The following SMYD3 variants were observed in gnomAD, a reference collection of about 807,000 sequenced individuals.
SMYD3 encodes the protein SET and MYND domain containing 3, also known as histone-lysine N-methyltransferase SMYD3.
A neutral mutation model predicts 57.7 loss-of-function variants in SMYD3; 36 were observed. The ratio of observed to expected loss-of-function variants is 0.62; its 90% confidence interval spans 0.48 to 0.82. The LOEUF (loss-of-function observed/expected upper bound fraction) is 0.82, where lower values mean the gene tolerates loss of function less well. SMYD3 is among the 40% of genes least tolerant of loss of function. The pLI is 0.00. For missense variants in SMYD3, 515 were observed against 538.8 expected (o/e 0.96, Z 0.44); for synonymous variants, 211 against 195.0 (o/e 1.08, Z -0.68).
At chr1:245,808,879 C>T (rs550347068) in intron 10 of SMYD3, among the ~76,000 whole-genome samples, 8 of 152,234 alleles carry the variant, frequency 5.3e-5, no homozygotes, top group Admixed American at 5.2e-4. Context: ...TCTCGTGCCT[C>T]AGCCTCCCGA....
intron 1 of SMYD3, among the ~76,000 whole-genome samples, chr1:246,450,723 G>A (rs1025611694): frequency 1.3e-5 from 2 of 152,308 alleles, no homozygotes; most frequent in East Asian, 1.9e-4. Flanking sequence ...CAGTAAATGC[G>A]TGATTATTAA....
At chr1:246,264,690 T>C (rs1298191589) in intron 5 of SMYD3, among the ~76,000 whole-genome samples, 3 of 152,212 alleles carry the variant, frequency 2.0e-5, no homozygotes. Context: ...CCAAATCCTT[T>C]TCTGTCCACA....
At chr1:246,491,571 T>C (rs567338360) in intron 1 of SMYD3, among the ~76,000 whole-genome samples, 2 of 147,194 alleles carry the variant, frequency 1.4e-5, no homozygotes, top group East Asian at 3.9e-4. Context: ...GAGAGAGAAA[T>C]AAGAATCAGT....
In SMYD3 at chr1:246,360,046, T is replaced by C. The variant is rs551374513; in HGVS notation, c.165-4952A>G. 5.8e-4 allele frequency among the ~76,000 whole-genome samples: 89 copies of C among 152,290 alleles called. 1 individual carries two copies. Among genetic ancestry groups the C allele is most frequent in the Middle Eastern group, 3.4e-3 (1 of 294 alleles). ...TGCTGTTTGTTTGCTGATGATATGA[T>C]TGTATACCTAGAAAGCCCCAAAGAC... On this transcript the variant is annotated intron_variant, in intron 1 of 11. Coordinates refer to ENST00000490107, the MANE Select transcript of SMYD3 (RefSeq NM_001167740.2).
chr1:246,249,862 T>C (rs1332320052), intron 5 of SMYD3, among the ~76,000 whole-genome samples: 1 of 152,228 alleles, frequency 6.6e-6, no homozygotes, highest in Non-Finnish European at 1.5e-5. Context: ...CCCCACTGGA[T>C]AGGTGATTTT....
chr1:245,822,839 T>G (rs952221150), intron 10 of SMYD3, among the ~76,000 whole-genome samples: 4 of 152,098 alleles, frequency 2.6e-5, no homozygotes, highest in African/African-American at 9.7e-5. Context: ...AAGCCTCTTT[T>G]AAAAAAATCT....
intron 1 of SMYD3, among the ~76,000 whole-genome samples, chr1:246,481,699 CATATATGATTATAT>C (rs1219388200): frequency 7.2e-6 from 1 of 139,104 alleles, no homozygotes; most frequent in East Asian, 2.1e-4. Context: ...TATATATGAT[CATATATGATTATAT>C]ATATATGAAC....
chr1:245,753,627 C>T (rs2045486584), intron 11 of SMYD3, among the ~76,000 whole-genome samples: 1 of 135,886 alleles, frequency 7.4e-6, no homozygotes, highest in South Asian at 2.3e-4. Context: ...ACTGGGTGAG[C>T]TGGGGCAGAC....
intron 1 of SMYD3, among the ~76,000 whole-genome samples, chr1:246,461,990 A>AG (rs35357646): frequency 0.058 from 8,800 of 152,288 alleles, 403 homozygotes; most frequent in Non-Finnish European, 0.085. Context: ...TGCAAAGTGC[A>AG]ACACAGAGTA....
intron 10 of SMYD3, among the ~76,000 whole-genome samples, chr1:245,841,898 G>A (rs2148421204): frequency 6.6e-6 from 1 of 152,238 alleles, no homozygotes; most frequent in South Asian, 2.1e-4. Context: ...GATAATAGTT[G>A]TTCCACAAGA....
At chr1:246,166,065 T>C (rs1420455029) in intron 5 of SMYD3, among the ~76,000 whole-genome samples, 2 of 152,022 alleles carry the variant, frequency 1.3e-5, no homozygotes, top group Non-Finnish European at 1.5e-5. Flanking sequence ...ACAAACTGCT[T>C]TGCTGCACTG....
intron 1 of SMYD3, among the ~76,000 whole-genome samples, chr1:246,443,716 C>T (rs971747097): frequency 1.3e-5 from 2 of 152,084 alleles, no homozygotes; most frequent in African/African-American, 4.8e-5. Context: ...TTTAGGTTGA[C>T]ATGTTAATTT....
chr1:246,010,981 A>C (rs2059272095), intron 5 of SMYD3, among the ~76,000 whole-genome samples: 1 of 152,220 alleles, frequency 6.6e-6, no homozygotes. Flanking sequence ...ACAGGGTTTG[A>C]AGACGGCTGA....
At chr1:245,863,771 C>A (rs763725453) in intron 9 of SMYD3, 28 bp downstream of exon 9, 7 of 1,598,816 alleles carry the variant, frequency 4.4e-6, no homozygotes, top group South Asian at 1.1e-5. Flanking sequence ...TCCCAACAGT[C>A]CACCTCAATC....
intron 10 of SMYD3, among the ~76,000 whole-genome samples, chr1:245,825,708 A>G (rs1267665430): frequency 1.3e-5 from 2 of 152,170 alleles, no homozygotes; most frequent in African/African-American, 2.4e-5. Context: ...ACAGCAAGAA[A>G]CAGAACTTCA....
chr1:246,421,328 A>C (rs1382113364), intron 1 of SMYD3, among the ~76,000 whole-genome samples: 1 of 152,194 alleles, frequency 6.6e-6, no homozygotes, highest in Admixed American at 6.5e-5. Flanking sequence ...AAGTGCCATT[A>C]CTAATTCTGT....
chr1:245,875,962 G>C (rs1004156443), intron 8 of SMYD3, among the ~76,000 whole-genome samples: 1 of 152,212 alleles, frequency 6.6e-6, no homozygotes, highest in Admixed American at 6.5e-5. Context: ...TCATTCAGAG[G>C]ACTTAATATG....
chr1:245,870,428 G>C (rs1033653569), intron 8 of SMYD3, among the ~76,000 whole-genome samples: 1 of 152,094 alleles, frequency 6.6e-6, no homozygotes, highest in Non-Finnish European at 1.5e-5. Context: ...GAGTGGGCTC[G>C]CTTACCTCTC....
chr1:246,194,092 T>C (rs1055619713), intron 5 of SMYD3, among the ~76,000 whole-genome samples: 30 of 152,144 alleles, frequency 2.0e-4, no homozygotes, highest in Admixed American at 1.6e-3. Context: ...CCTCATACCA[T>C]CATGAAATTT....
Sources: allele counts gnomAD v4.1 joint callset (sites outside exome capture counted in the v4.1 genomes callset), GRCh38; gene constraint gnomAD v4.1.1; transcripts MANE v1.5; gene names NCBI Gene and HGNC (gene_info 2026-07-23, HGNC 2026-07-21).